Variants in SLC6A2 observed in about 807,000 individuals in gnomAD.
SLC6A2 encodes the protein solute carrier family 6 member 2.
SLC6A2 carries 26 observed loss-of-function variants against 71.7 expected under a neutral mutation model. The ratio of observed to expected loss-of-function variants is 0.36; its 90% CI spans 0.27 to 0.50. SLC6A2 has a LOEUF of 0.50. Among genes scored for constraint, SLC6A2 ranks in the 20% least tolerant of loss-of-function variants. The pLI is 0.96. For missense variants in SLC6A2, 581 were observed against 803.9 expected (o/e 0.72, Z 3.35); for synonymous variants, 363 against 337.9 (o/e 1.07, Z -0.82).
At chr16:55,661,131 T>C (rs1246017143) in intron 2 of SLC6A2, among the ~76,000 whole-genome samples, 1 of 152,204 alleles carries the variant, frequency 6.6e-6, no homozygotes, top group Non-Finnish European at 1.5e-5. Flanking sequence ...TTTGCACCTG[T>C]GATCCTGGTC....
chr16:55,657,662 C>T (rs941504522), intron 2 of SLC6A2, among the ~76,000 whole-genome samples: 19 of 152,176 alleles, frequency 1.2e-4, no homozygotes, highest in African/African-American at 4.6e-4. Context: ...GGGGTGAAAC[C>T]TCTACCTCCT....
At chr16:55,689,474 C>T (rs1965549210) in intron 5 of SLC6A2, among the ~76,000 whole-genome samples, 1 of 152,232 alleles carries the variant, frequency 6.6e-6, no homozygotes, top group African/African-American at 2.4e-5. Flanking sequence ...CTCCAGGCCC[C>T]ATGGGAGATT....
chr16:55,678,938 G>A (rs1191919866), intron 4 of SLC6A2, among the ~76,000 whole-genome samples: 1 of 152,170 alleles, frequency 6.6e-6, no homozygotes, highest in African/African-American at 2.4e-5. Context: ...TCTTTTCACT[G>A]ATGAAATACC....
chr16:55,676,562 C>T (rs1965095763), intron 4 of SLC6A2, among the ~76,000 whole-genome samples: 1 of 152,210 alleles, frequency 6.6e-6, no homozygotes, highest in African/African-American at 2.4e-5. Flanking sequence ...CACTCTAACC[C>T]CAGCCCTGTC....
At chr16:55,683,109 G>T (rs1965330019) in intron 4 of SLC6A2, among the ~76,000 whole-genome samples, 1 of 152,146 alleles carries the variant, frequency 6.6e-6, no homozygotes, top group African/African-American at 2.4e-5. Flanking sequence ...GTGCAGAGTG[G>T]TCAGGGGAAC....
intron 4 of SLC6A2, among the ~76,000 whole-genome samples, chr16:55,683,473 T>C (rs1297287344): frequency 1.3e-5 from 2 of 151,814 alleles, no homozygotes; most frequent in Non-Finnish European, 2.9e-5. Flanking sequence ...TTTAGCCGAG[T>C]ATGATGGTGG....
intron 2 of SLC6A2, among the ~76,000 whole-genome samples, chr16:55,657,284 G>A (rs1964484098): frequency 6.6e-6 from 1 of 152,164 alleles, no homozygotes; most frequent in African/African-American, 2.4e-5. Context: ...TGGATGGAAA[G>A]GACAGAATCT....
chr16:55,674,528 G>C (rs1393622627), intron 4 of SLC6A2, among the ~76,000 whole-genome samples: 1 of 151,846 alleles, frequency 6.6e-6, no homozygotes, highest in African/African-American at 2.4e-5. Context: ...AGGTTCAAGT[G>C]ATTCTCCTGC....
At chr16:55,692,694 C>T (rs920584987) in intron 6 of SLC6A2, among the ~76,000 whole-genome samples, 1 of 152,192 alleles carries the variant, frequency 6.6e-6, no homozygotes, top group Non-Finnish European at 1.5e-5. Flanking sequence ...TCTTGCAGGG[C>T]CCCTCAGTGA....
chr16:55,678,850 A>G lies in SLC6A2; in HGVS notation c.645-6293A>G, dbSNP rs558460364. Among the ~76,000 whole-genome samples the G allele has an allele frequency of 2.6e-5, 4 of 152,240 alleles. No individual in the cohort carries two copies. The South Asian group carries it at 8.3e-4, about 32-fold the overall frequency. On this transcript the variant is annotated intron_variant, in intron 4 of 14. Coordinates refer to ENST00000568943, the MANE Select transcript of SLC6A2 (RefSeq NM_001172501.3). Reference sequence around the variant, plus strand: ...AACTGACGTAAGTTTCTTGTACTAAACCCCAAGGTTTGGGCCTGCTGGGGG... The same window carrying G: ...AACTGACGTAAGTTTCTTGTACTAAGCCCCAAGGTTTGGGCCTGCTGGGGG...
At chr16:55,688,241 C>T (rs948272271) in intron 5 of SLC6A2, among the ~76,000 whole-genome samples, 8 of 152,228 alleles carry the variant, frequency 5.3e-5, no homozygotes, top group Admixed American at 3.9e-4. Context: ...TCCATAGCCT[C>T]AGAGCTGGCC....
rs765596540 is a variant in SLC6A2, at chr16:55,669,636, C to T, written c.346C>T (p.Leu116=). The change falls in exon 3 of 15, where the codon CTG becomes TTG. Residue 116 remains leucine, a synonymous_variant. Coordinates refer to ENST00000568943, the MANE Select transcript of SLC6A2 (RefSeq NM_001172501.3). ...GCCCCTGTTCTACATGGAGCTGGCTCTGGGACAGTACAACCGGGAGGGGGC... is the reference window on the plus strand; with the variant it reads ...GCCCCTGTTCTACATGGAGCTGGCTTTGGGACAGTACAACCGGGAGGGGGC... ...GMPLFYMELA[L]GQYNREGAAT... is the part of the protein sequence containing the mutation. 2 of 1,614,090 alleles carry T rather than the reference C, an allele frequency of 1.2e-6. No homozygotes were observed. The highest frequency in any genetic ancestry group is 8.5e-7 in the Non-Finnish European group (1 of 1,180,000).
intron 4 of SLC6A2, among the ~76,000 whole-genome samples, chr16:55,673,228 G>A (rs990213211): frequency 6.6e-6 from 1 of 152,166 alleles, no homozygotes; most frequent in Non-Finnish European, 1.5e-5. Context: ...GCATTTTGGC[G>A]TGATTACCCT....
intron 6 of SLC6A2, among the ~76,000 whole-genome samples, chr16:55,692,690 A>T (rs1387306605): frequency 6.6e-6 from 1 of 152,202 alleles, no homozygotes; most frequent in Non-Finnish European, 1.5e-5. Flanking sequence ...CTCCTCTTGC[A>T]GGGCCCCTCA....
At chr16:55,664,942 C>T (rs1428259335) in intron 2 of SLC6A2, among the ~76,000 whole-genome samples, 4 of 152,184 alleles carry the variant, frequency 2.6e-5, no homozygotes, top group African/African-American at 9.6e-5. Flanking sequence ...ATTCCCTGCC[C>T]AAACAGCCTC....
Position 55,669,602 on chromosome 16 carries a change from C to G in SLC6A2, c.312C>G (p.Ile104Met), listed in dbSNP as rs773325382. The stretch of plus-strand genomic sequence containing the variant: ...TCCCGTACACACTGTTCCTTATCAT[C>G]GCGGGGATGCCCCTGTTCTACATGG... ...FLIPYTLFLIIAGMPLFYMEL... is the reference protein window; with the variant it reads ...FLIPYTLFLIMAGMPLFYMEL... The change falls in exon 3 of 15, where the codon ATC becomes ATG. Residue 104 changes from isoleucine (I) to methionine (M), a missense_variant. Physicochemically the swap from Ile to Met is conservative, Grantham distance 10 (BLOSUM62 1). Transcript: ENST00000568943. The G allele has an allele frequency of 2.5e-5, 40 of 1,613,938 alleles. No individual in the cohort carries two copies. The South Asian group carries it at 4.3e-4, about 17-fold the overall frequency.
In SLC6A2 at chr16:55,702,818, G is replaced by A; in HGVS notation, c.*472G>A. ...GGCTGAGTTTAGTGGGGTGGTTGGG[G>A]AAGGTACATAGACCCTCCTCTTGCC... is the stretch of plus-strand genomic sequence containing the variant. On this transcript the variant is annotated 3_prime_UTR_variant, in exon 15 of 15. Transcript: ENST00000568943. The A allele has an allele frequency of 9.5e-7, 1 of 1,047,994 alleles. No homozygotes were observed. Among genetic ancestry groups the A allele is most frequent in the Non-Finnish European group, 1.2e-6 (1 of 868,452 alleles). The allele number at this position is 1,047,994 out of a possible 1,614,324, so 64.9% of individuals were successfully genotyped here. A position where few individuals can be genotyped will look rare whatever the true frequency, so the allele number is the denominator to read the frequency against.
rs906064799 is a variant in SLC6A2, at chr16:55,671,963, C to T, written c.432C>T (p.Ile144=). 1.9e-6 allele frequency: 3 copies of T among 1,614,024 alleles called. No homozygotes were observed. Among genetic ancestry groups the T allele is most frequent in the African/African-American group, 2.7e-5 (2 of 74,920 alleles). The change falls in exon 4 of 15, where the codon ATC becomes ATT. Residue 144 remains isoleucine (I), a synonymous_variant. Coordinates refer to ENST00000568943, the MANE Select transcript of SLC6A2 (RefSeq NM_001172501.3). ...GCGTTGGCTATGCTGTCATCCTGATCGCCCTGTACGTTGGCTTCTACTACA... is the reference window on the plus strand; with the variant it reads ...GCGTTGGCTATGCTGTCATCCTGATTGCCCTGTACGTTGGCTTCTACTACA... The part of the protein sequence containing the change: ...FKGVGYAVIL[I]ALYVGFYYNV...
At chr16:55,661,977 G>A (rs1451723068) in intron 2 of SLC6A2, among the ~76,000 whole-genome samples, 2 of 151,930 alleles carry the variant, frequency 1.3e-5, no homozygotes, top group African/African-American at 4.8e-5. Context: ...CCTGGCTGCA[G>A]GGGGCTATCT....
Sources: gnomAD v4.1 joint callset for allele counts (sites outside exome capture counted in the v4.1 genomes callset) on GRCh38, gnomAD v4.1.1 for gene constraint, MANE v1.5 for transcripts, NCBI Gene and HGNC (gene_info 2026-07-23, HGNC 2026-07-21) for gene names.